RALGAPA1: variants seen among roughly 807,000 people sequenced by gnomAD.
The protein encoded by RALGAPA1 is ral GTPase-activating protein subunit alpha-1.
In RALGAPA1, 52 loss-of-function variants were observed where a neutral mutation model predicts 269.6. The observed-to-expected ratio is 0.19, with a 90% CI of 0.15 to 0.24. The LOEUF (loss-of-function observed/expected upper bound fraction) is 0.24, where lower values mean the gene tolerates loss of function less well. Ranked by LOEUF, RALGAPA1 falls within the 10% of genes least tolerant of loss-of-function variation. The probability of loss-of-function intolerance (pLI) is 1.00; values close to 1 mark genes in which losing one functional copy is unlikely to be tolerated. For missense variants in RALGAPA1, 1,917 were observed against 3,013.9 expected (o/e 0.64, Z 8.52); for synonymous variants, 817 against 1,008.3 (o/e 0.81, Z 3.60).
intron 36 of RALGAPA1, among the ~76,000 whole-genome samples, chr14:35,604,420 T>A (rs1023140049): frequency 1.3e-5 from 2 of 151,810 alleles, no homozygotes; most frequent in Non-Finnish European, 2.9e-5. Context: ...CATTTATAAA[T>A]AAGCTATGTA....
intron 33 of RALGAPA1, among the ~76,000 whole-genome samples, chr14:35,630,908 C>T (rs1206917243): frequency 1.3e-5 from 2 of 151,674 alleles, no homozygotes; most frequent in East Asian, 1.9e-4. Context: ...ATAAAAGTTC[C>T]AATTATATTG....
chr14:35,672,909 A>G lies in RALGAPA1; in HGVS notation c.5031T>C (p.His1677=). The G allele has an allele frequency of 6.4e-7, 1 of 1,571,662 alleles. No homozygotes were observed. The highest frequency in any genetic ancestry group is 8.6e-7 in the Non-Finnish European group (1 of 1,158,930). ...ATCCACAATGCATTATATTGTAGAA[A>G]TGTGTTAGAAAATCTCTATTTGGAG... The part of the protein sequence containing the change: ...DVSPNRDFLT[H]FYNIMHCGLL... The change falls in exon 25 of 42, where the codon CAT becomes CAC. Residue 1677 remains histidine (H), a synonymous_variant. Transcript: ENST00000680220.
At chr14:35,790,786 G>A (rs1002430368) in intron 1 of RALGAPA1, among the ~76,000 whole-genome samples, 7 of 151,490 alleles carry the variant, frequency 4.6e-5, no homozygotes, top group Non-Finnish European at 2.9e-5. Flanking sequence ...TTATTATTAC[G>A]TAAAAATCAG....
intron 41 of RALGAPA1, among the ~76,000 whole-genome samples, chr14:35,541,046 T>TTTTTTTTTTTTTTTTTTTG (rs1338689965): frequency 7.7e-6 from 1 of 129,418 alleles, no homozygotes; most frequent in Non-Finnish European, 1.6e-5. Flanking sequence ...TTCAATTTTT[T>TTTTTTTTTTTTTTTTTTTG]TTTTTTTTTT....
intron 14 of RALGAPA1, among the ~76,000 whole-genome samples, chr14:35,724,750 A>G (rs1381216433): frequency 1.3e-5 from 2 of 152,198 alleles, no homozygotes; most frequent in Admixed American, 6.5e-5. Context: ...AAGAGATAAA[A>G]TAAATATCAT....
intron 12 of RALGAPA1, 148 bp from the exon 13 acceptor site, chr14:35,728,658 T>A (rs970091361): frequency 1.6e-6 from 2 of 1,284,742 alleles, no homozygotes; most frequent in Non-Finnish European, 2.0e-6. Context: ...CCTATTTTTA[T>A]GTTTACCTAG....
chr14:35,621,537 T>C (rs955139370), intron 35 of RALGAPA1, among the ~76,000 whole-genome samples: 8 of 152,096 alleles, frequency 5.3e-5, no homozygotes, highest in African/African-American at 1.7e-4. Flanking sequence ...CTAAAGAGCT[T>C]CTGCACAACA....
rs927739693 is a variant in RALGAPA1, at chr14:35,689,820, A to G, written c.2591T>C (p.Ile864Thr). 9.5e-6 allele frequency: 15 copies of G among 1,578,488 alleles called. No homozygotes were observed. Among genetic ancestry groups the G allele is most frequent in the Non-Finnish European group, 1.3e-5 (15 of 1,168,586 alleles). ...VERAKGAVPV[I>T]DSSSRHAPSL... ...TGGTGCATGACGGGATGAACTGTCA[A>G]TGACAGGAACTGCACCTTTGGCTCG... Residue 864 changes from isoleucine (I) to threonine (T), a missense_variant, in exon 18 of 42, where the codon ATT becomes ACT. By Grantham distance (89) the Ile-to-Thr change is moderately conservative (BLOSUM62 -1). Around this residue, in one of 11 missense-constraint regions of RALGAPA1, gnomAD observed 615 missense variants for 790.0 expected, o/e 0.78. Transcript: ENST00000680220.
chr14:35,550,502 A>C (rs2139118759), intron 39 of RALGAPA1, among the ~76,000 whole-genome samples: 1 of 152,264 alleles, frequency 6.6e-6, no homozygotes, highest in East Asian at 1.9e-4. Flanking sequence ...TTGTAGACTA[A>C]GCCAAGACCC....
chr14:35,603,199 T>A lies in RALGAPA1; in HGVS notation c.7053+2387A>T, dbSNP rs555736583. ...TACCTTGATTAGCATTGCTGTGTAGTAAGTTTTGAAATCAAGAAGTGTAAA... is the reference window on the plus strand; with the variant it reads ...TACCTTGATTAGCATTGCTGTGTAGAAAGTTTTGAAATCAAGAAGTGTAAA... On this transcript the variant is annotated intron_variant, in intron 36 of 41. Transcript: ENST00000680220. Among the ~76,000 whole-genome samples the A allele has an allele frequency of 6.6e-5, 10 of 152,306 alleles. No homozygotes were observed. The East Asian group carries it at 1.7e-3, about 26-fold the overall frequency.
chr14:35,546,822 C>T (rs1250794840), intron 41 of RALGAPA1, among the ~76,000 whole-genome samples: 1 of 151,988 alleles, frequency 6.6e-6, no homozygotes, highest in Admixed American at 6.6e-5. Context: ...TGACTTATAA[C>T]TTTAAAGGGA....
At chr14:35,754,998 C>A (rs1052642362) in intron 7 of RALGAPA1, among the ~76,000 whole-genome samples, 9 of 152,096 alleles carry the variant, frequency 5.9e-5, no homozygotes, top group South Asian at 4.1e-4. Flanking sequence ...TGACAAAAAA[C>A]AGATCAATGG....
intron 2 of RALGAPA1, among the ~76,000 whole-genome samples, chr14:35,775,365 GA>G (rs2074941624): frequency 6.6e-6 from 1 of 152,208 alleles, no homozygotes; most frequent in African/African-American, 2.4e-5. Context: ...TCCTAGGGCA[GA>G]ACCAAAGAAG....
At chr14:35,798,498 T>C (rs577528005) in intron 1 of RALGAPA1, among the ~76,000 whole-genome samples, 24 of 152,294 alleles carry the variant, frequency 1.6e-4, no homozygotes, top group Admixed American at 9.8e-4. Context: ...ACTTGAAATG[T>C]TCCCAGCACA....
At chr14:35,665,839 T>C (rs1258251572) in intron 26 of RALGAPA1, among the ~76,000 whole-genome samples, 1 of 152,154 alleles carries the variant, frequency 6.6e-6, no homozygotes, top group African/African-American at 2.4e-5. Flanking sequence ...TTCAGGTATG[T>C]GCACATAATG....
At chr14:35,729,284 C>A (rs1214824200) in intron 12 of RALGAPA1, among the ~76,000 whole-genome samples, 1 of 151,838 alleles carries the variant, frequency 6.6e-6, no homozygotes, top group Non-Finnish European at 1.5e-5. Flanking sequence ...ATGGAAAAAA[C>A]TGATTATCAC....
chr14:35,645,530 A>T (rs934369319), intron 31 of RALGAPA1, among the ~76,000 whole-genome samples: 4 of 152,072 alleles, frequency 2.6e-5, no homozygotes, highest in Non-Finnish European at 5.9e-5. Flanking sequence ...GGAGATCGAG[A>T]CCATCCTGGC....
chr14:35,805,661 C>CATAT (rs1567273633), intron 1 of RALGAPA1, among the ~76,000 whole-genome samples: 1 of 149,780 alleles, frequency 6.7e-6, no homozygotes, highest in African/African-American at 2.4e-5. Context: ...TACATACATA[C>CATAT]ATATATATAT....
intron 31 of RALGAPA1, among the ~76,000 whole-genome samples, chr14:35,644,305 G>A (rs2062234429): frequency 6.6e-6 from 1 of 152,040 alleles, no homozygotes; most frequent in Non-Finnish European, 1.5e-5. Flanking sequence ...TAACAAACAA[G>A]GAATAAAAGA....
Sources: gnomAD v4.1 joint callset for allele counts (sites outside exome capture counted in the v4.1 genomes callset) on GRCh38, gnomAD v4.1.1 for gene constraint, gnomAD v4.1.1 regional missense constraint, MANE v1.5 for transcripts, NCBI Gene and HGNC (gene_info 2026-07-23, HGNC 2026-07-21) for gene names.